The following HECW1 variants were observed in gnomAD, a reference collection of about 807,000 sequenced individuals.
HECW1 encodes E3 ubiquitin-protein ligase HECW1.
Under a neutral mutation model 182.3 loss-of-function variants are expected in HECW1, and 61 were observed. That is an observed-to-expected ratio of 0.33 (90% confidence interval 0.27 to 0.41). The LOEUF (loss-of-function observed/expected upper bound fraction) is 0.41. HECW1 is among the 10% of genes least tolerant of loss of function. The pLI is 1.00. For synonymous variants in HECW1, 859 were observed against 832.6 expected (o/e 1.03, Z -0.55); for missense variants, 1,739 against 2,108.9 (o/e 0.82, Z 3.44).
intron 2 of HECW1, among the ~76,000 whole-genome samples, chr7:43,195,963 G>T (rs1386584633): frequency 6.6e-6 from 1 of 152,160 alleles, no homozygotes; most frequent in Non-Finnish European, 1.5e-5. Flanking sequence ...GTATAATGAG[G>T]TTCTAGGAGA....
At chr7:43,163,863 C>G (rs1385157501) in intron 2 of HECW1, among the ~76,000 whole-genome samples, 1 of 152,090 alleles carries the variant, frequency 6.6e-6, no homozygotes, top group Admixed American at 6.5e-5. Context: ...GCAGGTGACT[C>G]GAACAGTTGA....
chr7:43,337,442 A>G (rs1812440639), intron 5 of HECW1, among the ~76,000 whole-genome samples: 1 of 152,128 alleles, frequency 6.6e-6, no homozygotes, highest in Non-Finnish European at 1.5e-5. Flanking sequence ...CTACCCAGAC[A>G]AAGATATATT....
intron 12 of HECW1, among the ~76,000 whole-genome samples, chr7:43,455,620 G>A (rs55650744): frequency 0.16 from 24,615 of 152,122 alleles, 2,538 homozygotes; most frequent in Non-Finnish European, 0.22. Flanking sequence ...CAGTGGTGAT[G>A]GACATTTCTA....
At chr7:43,286,673 C>T (rs1407889105) in intron 3 of HECW1, among the ~76,000 whole-genome samples, 1 of 152,102 alleles carries the variant, frequency 6.6e-6, no homozygotes, top group African/African-American at 2.4e-5. Flanking sequence ...CAAACTGCCA[C>T]CCACCCCCCC....
intron 3 of HECW1, among the ~76,000 whole-genome samples, chr7:43,277,261 C>T (rs979670351): frequency 6.6e-6 from 1 of 152,186 alleles, no homozygotes; most frequent in African/African-American, 2.4e-5. Context: ...CAGAAAAGAG[C>T]TTCCACTGAC....
chr7:43,336,116 TTCTTTCTTTCTCTCTCTCTCTCTC>T (rs1812167765), intron 5 of HECW1, among the ~76,000 whole-genome samples: 14 of 101,772 alleles, frequency 1.4e-4, no homozygotes, highest in Middle Eastern at 4.4e-3. Flanking sequence ...CTTTCTTTCT[TTCTTTCTTTCTCTCTCTCTCTCTC>T]TCTTTCTCTC....
chr7:43,413,469 T>A (rs1273531972), intron 8 of HECW1, among the ~76,000 whole-genome samples: 1 of 31,612 alleles, frequency 3.2e-5, no homozygotes, highest in Non-Finnish European at 5.5e-5. Flanking sequence ...TTAGATCCCA[T>A]TTGTCAATTT....
At chr7:43,132,981 G>A (rs1299692793) in intron 2 of HECW1, among the ~76,000 whole-genome samples, 3 of 152,072 alleles carry the variant, frequency 2.0e-5, no homozygotes, top group Non-Finnish European at 2.9e-5. Flanking sequence ...TTTTTAATAA[G>A]AAAGAAGGAT....
At chr7:43,164,187 C>T (rs946772771) in intron 2 of HECW1, among the ~76,000 whole-genome samples, 6 of 151,982 alleles carry the variant, frequency 3.9e-5, no homozygotes, top group East Asian at 1.9e-4. Context: ...AGAGTTGGCC[C>T]GAGTCATCTG....
intron 3 of HECW1, among the ~76,000 whole-genome samples, chr7:43,281,047 A>C (rs1184396160): frequency 1.3e-5 from 2 of 152,028 alleles, no homozygotes; most frequent in Non-Finnish European, 2.9e-5. Flanking sequence ...AGATTCTAGG[A>C]TCCTGCACTC....
chr7:43,268,931 A>G (rs1219410662), intron 3 of HECW1, among the ~76,000 whole-genome samples: 1 of 151,478 alleles, frequency 6.6e-6, no homozygotes, highest in Non-Finnish European at 1.5e-5. Context: ...TGCGCCACCA[A>G]CCCTTGCTGA....
At chr7:43,305,704 G>A (rs943899205) in intron 3 of HECW1, among the ~76,000 whole-genome samples, 3 of 151,758 alleles carry the variant, frequency 2.0e-5, no homozygotes, top group Admixed American at 1.3e-4. Context: ...GGGTTCAAGC[G>A]ATTCTCCCTG....
At chr7:43,307,797 CA>C (rs531720322) in intron 3 of HECW1, among the ~76,000 whole-genome samples, 24 of 148,788 alleles carry the variant, frequency 1.6e-4, no homozygotes, top group African/African-American at 6.0e-4. Context: ...CACCACAAAC[CA>C]AAACAAAATA....
rs151119423 is a variant in HECW1 at position 43,412,013 on chromosome 7, T to G, written c.801+4282T>G. On this transcript the variant is annotated intron_variant, in intron 8 of 29. Coordinates refer to ENST00000395891, the MANE Select transcript of HECW1 (RefSeq NM_015052.5). ...TGTTTTCTGTTTGTCCTCTGGATTG[T>G]TTTCTTATTTCCCCTTCTTGACTTG... Among the ~76,000 whole-genome samples the G allele has an allele frequency of 2.1e-4, 32 of 152,302 alleles. 1 individual carries two copies. The East Asian group carries it at 5.8e-3, about 27-fold the overall frequency.
intron 3 of HECW1, among the ~76,000 whole-genome samples, chr7:43,295,871 G>A (rs1267293302): frequency 6.6e-6 from 1 of 152,042 alleles, no homozygotes; most frequent in Non-Finnish European, 1.5e-5. Flanking sequence ...AAAAGTAGTG[G>A]CATCTATGAC....
chr7:43,369,766 A>G (rs1817103079), intron 6 of HECW1, among the ~76,000 whole-genome samples: 1 of 152,226 alleles, frequency 6.6e-6, no homozygotes, highest in Non-Finnish European at 1.5e-5. Context: ...GCAGGGTCCA[A>G]ATGTTGACTT....
At chr7:43,138,698 A>G (rs184820288) in intron 2 of HECW1, among the ~76,000 whole-genome samples, 8 of 152,324 alleles carry the variant, frequency 5.3e-5, no homozygotes, top group Admixed American at 5.2e-4. Context: ...TCTCTCTTTT[A>G]GACCAAGTGA....
chr7:43,160,494 T>C (rs1254270953), intron 2 of HECW1, among the ~76,000 whole-genome samples: 2 of 152,208 alleles, frequency 1.3e-5, no homozygotes, highest in East Asian at 3.8e-4. Context: ...AGAGATATAA[T>C]GTTTTCCCTC....
At chr7:43,267,482 GT>G (rs1223933732) in intron 3 of HECW1, among the ~76,000 whole-genome samples, 1 of 151,826 alleles carries the variant, frequency 6.6e-6, no homozygotes, top group African/African-American at 2.4e-5. Flanking sequence ...AGTTCTGTAT[GT>G]TTTTATTATT....
Sources: allele counts gnomAD v4.1 joint callset (sites outside exome capture counted in the v4.1 genomes callset), GRCh38; gene constraint gnomAD v4.1.1; transcripts MANE v1.5; gene names NCBI Gene and HGNC (gene_info 2026-07-23, HGNC 2026-07-21).